PDE10A: variants seen among roughly 807,000 people sequenced by gnomAD.
PDE10A encodes cAMP and cAMP-inhibited cGMP 3',5'-cyclic phosphodiesterase 10A.
PDE10A carries 39 observed loss-of-function variants against 97.7 expected under a neutral mutation model. The observed-to-expected ratio is 0.40, with a 90% CI of 0.31 to 0.52. The LOEUF is 0.52. Among genes scored for constraint, PDE10A ranks in the 20% least tolerant of loss-of-function variants. The probability of loss-of-function intolerance (pLI) is 0.56; values close to 1 mark genes in which losing one functional copy is unlikely to be tolerated. For synonymous variants in PDE10A, 371 were observed against 376.8 expected (o/e 0.98, Z 0.18); for missense variants, 731 against 1,047.8 (o/e 0.70, Z 4.17).
chr6:165,761,320 C>G (rs530506719), intron 1 of PDE10A, among the ~76,000 whole-genome samples: 3 of 152,164 alleles, frequency 2.0e-5, no homozygotes, highest in African/African-American at 7.2e-5. Flanking sequence ...AATTAAAATG[C>G]TAAAGAAATT....
intron 3 of PDE10A, among the ~76,000 whole-genome samples, chr6:165,470,741 T>G (rs570123216): frequency 2.4e-4 from 36 of 152,288 alleles, no homozygotes; most frequent in Non-Finnish European, 3.2e-4. Flanking sequence ...CAGGTAAAGC[T>G]GCAATAGGGA....
At chr6:165,816,797 G>A (rs1357955740) in intron 1 of PDE10A, among the ~76,000 whole-genome samples, 1 of 152,188 alleles carries the variant, frequency 6.6e-6, no homozygotes, top group Non-Finnish European at 1.5e-5. Context: ...CTTGGCCCTG[G>A]GAAATGGGTT....
At chr6:165,470,612 T>G (rs2128270805) in intron 3 of PDE10A, among the ~76,000 whole-genome samples, 1 of 152,350 alleles carries the variant, frequency 6.6e-6, no homozygotes, top group African/African-American at 2.4e-5. Context: ...TTTCTAGTTC[T>G]TCCTCTGTTG....
chr6:165,777,867 A>G (rs1217837690), intron 1 of PDE10A, among the ~76,000 whole-genome samples: 1 of 151,962 alleles, frequency 6.6e-6, no homozygotes, highest in African/African-American at 2.4e-5. Context: ...GCTCCTCCCA[A>G]CACTGCCTCC....
At chr6:165,482,380 G>A in intron 2 of PDE10A, 37 bp from the exon 3 acceptor site, 1 of 1,537,132 alleles carries the variant, frequency 6.5e-7, no homozygotes, top group Non-Finnish European at 9.0e-7. Context: ...AACACAATTA[G>A]CGACTGAGTA....
At chr6:165,643,096 C>T (rs975322440) in intron 1 of PDE10A, among the ~76,000 whole-genome samples, 1 of 152,164 alleles carries the variant, frequency 6.6e-6, no homozygotes, top group Non-Finnish European at 1.5e-5. Context: ...AATTTAAATA[C>T]ATCATCTAAC....
At chr6:165,854,523 G>A (rs1218335280) in intron 1 of PDE10A, among the ~76,000 whole-genome samples, 1 of 152,190 alleles carries the variant, frequency 6.6e-6, no homozygotes, top group African/African-American at 2.4e-5. Context: ...GAGCCCTGAG[G>A]GGCGGCCTCA....
At chr6:165,971,491 C>T (rs976017018) in intron 1 of PDE10A, among the ~76,000 whole-genome samples, 1 of 152,178 alleles carries the variant, frequency 6.6e-6, no homozygotes, top group African/African-American at 2.4e-5. Context: ...TCATCCATTG[C>T]CACTTTCTGG....
At chr6:165,851,816 C>T (rs1583189719) in intron 1 of PDE10A, among the ~76,000 whole-genome samples, 1 of 151,944 alleles carries the variant, frequency 6.6e-6, no homozygotes, top group Admixed American at 6.6e-5. Context: ...ACAGGCTGGG[C>T]ACAGTGGCTC....
intron 3 of PDE10A, among the ~76,000 whole-genome samples, chr6:165,462,733 A>G (rs1778402015): frequency 6.6e-6 from 1 of 152,224 alleles, no homozygotes; most frequent in Non-Finnish European, 1.5e-5. Flanking sequence ...ACCAGTCACA[A>G]TGAGTAATTT....
intron 10 of PDE10A, among the ~76,000 whole-genome samples, chr6:165,423,593 C>T (rs977385641): frequency 1.6e-4 from 25 of 152,226 alleles, no homozygotes; most frequent in Admixed American, 3.3e-4. Context: ...TTAGGCCGGG[C>T]GCGGTGGCTG....
intron 1 of PDE10A, among the ~76,000 whole-genome samples, chr6:165,717,770 T>C (rs1459581189): frequency 6.6e-6 from 1 of 152,210 alleles, no homozygotes; most frequent in East Asian, 1.9e-4. Context: ...GGGTTCCAGT[T>C]TGTCTGTCTT....
chr6:165,703,571 C>T (rs1438557804), intron 1 of PDE10A, among the ~76,000 whole-genome samples: 1 of 152,206 alleles, frequency 6.6e-6, no homozygotes, highest in Non-Finnish European at 1.5e-5. Flanking sequence ...TTTAGCAGTG[C>T]AGCTAAAGGA....
chr6:165,338,718 AC>A (rs1781793786), intron 20 of PDE10A, among the ~76,000 whole-genome samples: 1 of 152,020 alleles, frequency 6.6e-6, no homozygotes. Context: ...AAATTCATCC[AC>A]CCCCTCTATT....
intron 1 of PDE10A, among the ~76,000 whole-genome samples, chr6:165,804,779 G>A (rs1209239417): frequency 6.6e-6 from 1 of 151,554 alleles, no homozygotes; most frequent in Non-Finnish European, 1.5e-5. Flanking sequence ...GCGGGGGACT[G>A]GGCGACGGCC....
At position 165,662,365 on chromosome 6, in the gene PDE10A, C is replaced by CGCT. The variant is rs896382572; in HGVS notation, c.444_446dup (p.Ala154dup). The stretch of plus-strand genomic sequence containing the variant: ...CGCCTCCTCCCGCCGCCGCCGCCGC[C>CGCT]GCTGCGCCCTCCCTTCCTGGGAGAC... On this transcript the variant is annotated inframe_insertion, in exon 1 of 22. Transcript: ENST00000539869. 6.2e-6 allele frequency: 1 copy of CGCT among 161,474 alleles called. No individual in the cohort carries two copies. Among genetic ancestry groups the CGCT allele is most frequent in the Non-Finnish European group, 1.3e-5 (1 of 77,590 alleles). The allele number at this position is 161,474 out of a possible 1,614,324, so 10.0% of individuals were successfully genotyped here.
chr6:165,589,193 A>G (rs1005271891), intron 1 of PDE10A, among the ~76,000 whole-genome samples: 26 of 152,198 alleles, frequency 1.7e-4, no homozygotes, highest in African/African-American at 6.0e-4. Flanking sequence ...ATAGTTTCCA[A>G]TTCTGTTTAC....
chr6:165,630,050 G>GA (rs1197015053), intron 1 of PDE10A, among the ~76,000 whole-genome samples: 3 of 151,906 alleles, frequency 2.0e-5, no homozygotes, highest in African/African-American at 2.4e-5. Flanking sequence ...TCCACAATTA[G>GA]AAAAAATCAT....
At chr6:165,828,347 C>T (rs1457757418) in intron 1 of PDE10A, among the ~76,000 whole-genome samples, 2 of 152,156 alleles carry the variant, frequency 1.3e-5, no homozygotes, top group East Asian at 3.8e-4. Context: ...GTATTCAATG[C>T]CCATTTGAGA....
Sources: allele counts gnomAD v4.1 joint callset (sites outside exome capture counted in the v4.1 genomes callset), GRCh38; gene constraint gnomAD v4.1.1; transcripts MANE v1.5; gene names NCBI Gene and HGNC (gene_info 2026-07-23, HGNC 2026-07-21).